The following TIGD1 variants were observed in gnomAD, a reference collection of about 807,000 sequenced individuals.
TIGD1 encodes tigger transposable element-derived protein 1.
In TIGD1, 20 loss-of-function variants were observed where a neutral mutation model predicts 21.3. That is an observed-to-expected ratio of 0.94 (90% confidence interval 0.66 to 1.36). TIGD1 has a LOEUF of 1.36. Ranked by LOEUF, TIGD1 falls within the 40% of genes most tolerant of loss-of-function variation. TIGD1 has a pLI of 0.00. For synonymous variants in TIGD1, 177 were observed against 123.2 expected (o/e 1.44, Z -2.89); for missense variants, 556 against 350.5 (o/e 1.59, Z -4.68).
At position 232,548,519 on chromosome 2, in the gene TIGD1, A is replaced by G. The variant is rs1559307392; in HGVS notation, c.1364T>C (p.Leu455Ser). The G allele has an allele frequency of 3.1e-6, 2 of 652,570 alleles. No individual in the cohort carries two copies. Among genetic ancestry groups the G allele is most frequent in the Non-Finnish European group, 5.5e-6 (2 of 362,940 alleles). The allele number at this position is 652,570 out of a possible 1,614,324, so 40.4% of individuals were successfully genotyped here. A position where few individuals can be genotyped will look rare whatever the true frequency, so the allele number is the denominator to read the frequency against. Residue 455 changes from leucine (L) to serine (S), a missense_variant, in exon 1 of 1, where the codon TTA (leucine) becomes TCA (serine). Leu to Ser is a moderately radical substitution (Grantham distance 145). Coordinates refer to ENST00000408957, the MANE Select transcript of TIGD1 (RefSeq NM_145702.4). ...CATAAGAAACAACTCCTCATCTGTT[A>G]AAGTTTTATCATGAGATTGCAGCAA... is the stretch of plus-strand genomic sequence containing the variant. ...TELLQSHDKT[L>S]TDEELFLMDA...
Position 232,547,049 on chromosome 2 carries a change from C to A in TIGD1, c.*1058G>T, listed in dbSNP as rs1692145624. Among the ~76,000 whole-genome samples, 1 of 152,150 alleles carries A rather than the reference C, an allele frequency of 6.6e-6. No individual in the cohort carries two copies. The highest frequency in any genetic ancestry group is 1.5e-5 in the Non-Finnish European group (1 of 68,034). On this transcript the variant is annotated 3_prime_UTR_variant, in exon 1 of 1. Coordinates refer to ENST00000408957, the MANE Select transcript of TIGD1 (RefSeq NM_145702.4). ...GAGTTTGGCTGGTAACCAGGGGACA[C>A]CCTTGGGCAAGTCACCTATGCTCCC...
Position 232,544,851 on chromosome 2 carries a change from A to G in TIGD1, c.*3256T>C. On this transcript the variant is annotated 3_prime_UTR_variant, in exon 1 of 1. Transcript: ENST00000408957. ...CCCCAGCCATCCAGGCCTGTGTGGA[A>G]GCCTGCAACCTCATTGCCTGTGCCC... 6.2e-7 allele frequency: 1 copy of G among 1,613,996 alleles called. No individual in the cohort carries two copies. Among genetic ancestry groups the G allele is most frequent in the Non-Finnish European group, 8.5e-7 (1 of 1,180,012 alleles).
chr2:232,545,942 G>A lies in TIGD1; in HGVS notation c.*2165C>T, dbSNP rs141353873. Reference sequence around the variant, plus strand: ...GTGTCCTGCTGCAGTCAGCACACACGTGGGATTGGCTAGCTCATCCTGGCA... The same window carrying A: ...GTGTCCTGCTGCAGTCAGCACACACATGGGATTGGCTAGCTCATCCTGGCA... On this transcript the variant is annotated 3_prime_UTR_variant, in exon 1 of 1. Transcript: ENST00000408957. 3.3e-5 allele frequency: 21 copies of A among 635,232 alleles called. 1 individual carries two copies. Among genetic ancestry groups the A allele is most frequent in the Middle Eastern group, 4.2e-4 (1 of 2,376 alleles). The allele number at this position is 635,232 out of a possible 1,614,324, so 39.3% of individuals were successfully genotyped here. A position where few individuals can be genotyped will look rare whatever the true frequency, so the allele number is the denominator to read the frequency against.
chr2:232,544,632 G>A lies in TIGD1; in HGVS notation c.*3475C>T, dbSNP rs1360915844. On this transcript the variant is annotated 3_prime_UTR_variant, in exon 1 of 1. Transcript: ENST00000408957. ...ACAGTCCTCCCCTGGGACCCCAGCT[G>A]GGGAGCCAGGCACAGCAGATGAGTG... The A allele has an allele frequency of 6.3e-7, 1 of 1,577,590 alleles. No individual in the cohort carries two copies. The highest frequency in any genetic ancestry group is 8.7e-7 in the Non-Finnish European group (1 of 1,148,892).
rs1321740483 is a variant in TIGD1, at chr2:232,548,633, A to G, written c.1250T>C (p.Phe417Ser). The part of the protein sequence containing the change: ...IPTLIDDYEG[F>S]KTSVEEVSAD... ...ACTTACTTCCTCCACTGAAGTCTTG[A>G]ACCCCTCATAGTCATCAATGAGGGT... The change falls in exon 1 of 1, where the codon TTC (phenylalanine) becomes TCC (serine). Residue 417 changes from phenylalanine to serine, a missense_variant. Phe to Ser is a radical substitution (Grantham distance 155, BLOSUM62 -2). Coordinates refer to ENST00000408957, the MANE Select transcript of TIGD1 (RefSeq NM_145702.4). The G allele has an allele frequency of 3.8e-6, 2 of 519,496 alleles. No homozygotes were observed. Among genetic ancestry groups the G allele is most frequent in the African/African-American group, 3.8e-5 (2 of 52,970 alleles). The allele number at this position is 519,496 out of a possible 1,614,324, so 32.2% of individuals were successfully genotyped here.
At position 232,548,306 on chromosome 2, in the gene TIGD1, C is replaced by T. The variant is rs760989671; in HGVS notation, c.1577G>A (p.Ser526Asn). Residue 526 changes from serine (S) to asparagine (N), a missense_variant, in exon 1 of 1, where the codon AGC (serine) becomes AAC (asparagine). Ser to Asn is a conservative substitution (Grantham distance 46, BLOSUM62 1). Transcript: ENST00000408957. ...AAAGATTTCTCTGTAGCATGCGATG[C>T]TGTTTGATAGCATTTTGCCCACAGT... is the stretch of plus-strand genomic sequence containing the variant. Reference protein sequence around the residue: ...SSTVGKMLSNSIACYREIFHE... With the variant: ...SSTVGKMLSNNIACYREIFHE... 8 of 1,510,088 alleles carry T rather than the reference C, an allele frequency of 5.3e-6. No homozygotes were observed. In the South Asian group the frequency reaches 6.4e-5, roughly 12 times the overall value. The allele number at this position is 1,510,088 out of a possible 1,614,324, so 93.5% of individuals were successfully genotyped here. A position where few individuals can be genotyped will look rare whatever the true frequency, so the allele number is the denominator to read the frequency against.
chr2:232,549,082 C>T lies in TIGD1; in HGVS notation c.801G>A (p.Met267Ile), dbSNP rs1199132040. ...VLYKWNSKAR[M>I]TAHLFTAWFT... ...ACCACGCTGTAAACAGATGTGCTGT[C>T]ATCCGGGCTTTGCTGTTCCATTTAT... The change falls in exon 1 of 1, where the codon ATG becomes ATA. Residue 267 changes from methionine to isoleucine, a missense_variant. By Grantham distance (10) the Met-to-Ile change is conservative. Transcript: ENST00000408957. 3 of 715,588 alleles carry T rather than the reference C, an allele frequency of 4.2e-6. No homozygotes were observed. The highest frequency in any genetic ancestry group is 7.8e-6 in the Non-Finnish European group (3 of 384,762). 44.3% of individuals were successfully genotyped at this position (715,588 alleles called of 1,614,324 possible).
Position 232,550,377 on chromosome 2 carries a change from T to G in TIGD1, c.-495A>C. On this transcript the variant is annotated 5_prime_UTR_variant, in exon 1 of 1. Transcript: ENST00000408957. ...GTCCCGCACTGGAGGAAGAGGAAGG[T>G]TTTTACCAAGCAGCGAGTCCAGAGC... The G allele has an allele frequency of 2.3e-6, 1 of 442,706 alleles. No homozygotes were observed. The highest frequency in any genetic ancestry group is 4.2e-6 in the Non-Finnish European group (1 of 240,416). 27.4% of individuals were successfully genotyped at this position (442,706 alleles called of 1,614,324 possible). A position where few individuals can be genotyped will look rare whatever the true frequency, so the allele number is the denominator to read the frequency against.
At position 232,545,330 on chromosome 2, in the gene TIGD1, A is replaced by G. The variant is rs1467097161; in HGVS notation, c.*2777T>C. Among the ~76,000 whole-genome samples, 5 of 149,934 alleles carry G rather than the reference A, an allele frequency of 3.3e-5. No homozygotes were observed. Among genetic ancestry groups the G allele is most frequent in the Admixed American group, 2.7e-4 (4 of 14,722 alleles). ...TGAGACTCCGTCTCAAAAAAAAAAA[A>G]AAGGAAAGAAAGAAAGAAAAAGGAA... On this transcript the variant is annotated 3_prime_UTR_variant, in exon 1 of 1. Transcript: ENST00000408957.
At position 232,549,028 on chromosome 2, in the gene TIGD1, C is replaced by G. The variant is rs776178604; in HGVS notation, c.855G>C (p.Glu285Asp). 5.7e-6 allele frequency: 4 copies of G among 707,508 alleles called. No individual in the cohort carries two copies. The South Asian group carries it at 6.2e-5, about 11-fold the overall frequency. 43.8% of individuals were successfully genotyped at this position (707,508 alleles called of 1,614,324 possible). A position where few individuals can be genotyped will look rare whatever the true frequency, so the allele number is the denominator to read the frequency against. The change falls in exon 1 of 1, where the codon GAG (glutamate) becomes GAC (aspartate). Residue 285 changes from glutamate to aspartate, a missense_variant. Transcript: ENST00000408957. ...WFTEYFKPTV[E>D]TYCSEKKIPF... ...GAATCTTCTTTTCTGAGCAGTAGGTCTCAACAGTGGGTTTAAAATATTCAG... is the reference window on the plus strand; with the variant it reads ...GAATCTTCTTTTCTGAGCAGTAGGTGTCAACAGTGGGTTTAAAATATTCAG...
At position 232,545,322 on chromosome 2, in the gene TIGD1, A is replaced by G. The variant is rs1469491900; in HGVS notation, c.*2785T>C. ...GTGAGACGTGAGACTCCGTCTCAAA[A>G]AAAAAAAAAAGGAAAGAAAGAAAGA... On this transcript the variant is annotated 3_prime_UTR_variant, in exon 1 of 1. Coordinates refer to ENST00000408957, the MANE Select transcript of TIGD1 (RefSeq NM_145702.4). 1.3e-5 allele frequency among the ~76,000 whole-genome samples: 2 copies of G among 150,478 alleles called. No homozygotes were observed. Among genetic ancestry groups the G allele is most frequent in the Admixed American group, 6.7e-5 (1 of 14,916 alleles).
Position 232,547,379 on chromosome 2 carries a change from C to G in TIGD1, c.*728G>C, listed in dbSNP as rs1235958905. Among the ~76,000 whole-genome samples, 2 of 152,092 alleles carry G rather than the reference C, an allele frequency of 1.3e-5. No homozygotes were observed. The highest frequency in any genetic ancestry group is 2.9e-5 in the Non-Finnish European group (2 of 68,030). ...GCTGCAGTGAGCTGTGATCATGTGACTGCACTCCAGCCTGATGACACAGTA... is the reference window on the plus strand; with the variant it reads ...GCTGCAGTGAGCTGTGATCATGTGAGTGCACTCCAGCCTGATGACACAGTA... On this transcript the variant is annotated 3_prime_UTR_variant, in exon 1 of 1. Transcript: ENST00000408957.
chr2:232,544,953 A>G lies in TIGD1; in HGVS notation c.*3154T>C. The G allele has an allele frequency of 1.2e-6, 2 of 1,611,212 alleles. No individual in the cohort carries two copies. The highest frequency in any genetic ancestry group is 4.5e-5 in the East Asian group (2 of 44,816). ...GGTGGAGTGAGTACCTGGGCTTGGA[A>G]CCGTGATAGAGACAGGATGAGTGGG... On this transcript the variant is annotated 3_prime_UTR_variant, in exon 1 of 1. Coordinates refer to ENST00000408957, the MANE Select transcript of TIGD1 (RefSeq NM_145702.4).
rs577759764 is a variant in TIGD1, at chr2:232,550,533, T to A, written c.-651A>T. On this transcript the variant is annotated 5_prime_UTR_variant, in exon 1 of 1. Coordinates refer to ENST00000408957, the MANE Select transcript of TIGD1 (RefSeq NM_145702.4). ...GGCAGAACTGAGGCCAGCAGCCAGC[T>A]CCGCCGCTGAGTCCAGCCCTCTGCG... 1 of 676,720 alleles carries A rather than the reference T, an allele frequency of 1.5e-6. No individual in the cohort carries two copies. The highest frequency in any genetic ancestry group is 3.1e-5 in the East Asian group (1 of 31,974). The allele number at this position is 676,720 out of a possible 1,614,324, so 41.9% of individuals were successfully genotyped here.
Position 232,549,307 on chromosome 2 carries a change from A to G in TIGD1, c.576T>C (p.Tyr192=), listed in dbSNP as rs1310201518. Residue 192 remains tyrosine (Y), a synonymous_variant, in exon 1 of 1, where the codon TAT becomes TAC. Coordinates refer to ENST00000408957, the MANE Select transcript of TIGD1 (RefSeq NM_145702.4). The part of the protein sequence containing the change: ...QIFNVDETAF[Y]WKKMPSRTFI... ...AAGTTCTAGATGGCATCTTCTTCCA[A>G]TAGAAGGCTGTTTCATCTACATTGA... 7 of 666,326 alleles carry G rather than the reference A, an allele frequency of 1.1e-5. No homozygotes were observed. The highest frequency in any genetic ancestry group is 2.1e-5 in the Admixed American group (1 of 47,922). The allele number at this position is 666,326 out of a possible 1,614,324, so 41.3% of individuals were successfully genotyped here.
chr2:232,544,554 T>C lies in TIGD1; in HGVS notation c.*3553A>G. 6.2e-7 allele frequency: 1 copy of C among 1,613,492 alleles called. No individual in the cohort carries two copies. On this transcript the variant is annotated 3_prime_UTR_variant, in exon 1 of 1. Coordinates refer to ENST00000408957, the MANE Select transcript of TIGD1 (RefSeq NM_145702.4). ...TTCCAGCAGTGGCAGCGGCAAGGGCTGGTGGCGGCAGCGCTGGAGAAGCTA... is the reference window on the plus strand; with the variant it reads ...TTCCAGCAGTGGCAGCGGCAAGGGCCGGTGGCGGCAGCGCTGGAGAAGCTA...
rs1227457538 is a variant in TIGD1 at position 232,549,005 on chromosome 2, ATCT to A, written c.875_877del (p.Lys292del). On this transcript the variant is annotated inframe_deletion, in exon 1 of 1. Coordinates refer to ENST00000408957, the MANE Select transcript of TIGD1 (RefSeq NM_145702.4). ...AATGAGCAGTAATATTTTGAAAGGA[ATCT>A]TCTTTTCTGAGCAGTAGGTCTCAAC... The A allele has an allele frequency of 1.1e-5, 8 of 702,522 alleles. No homozygotes were observed. In the East Asian group the frequency reaches 2.2e-4, roughly 19 times the overall value. The allele number at this position is 702,522 out of a possible 1,614,324, so 43.5% of individuals were successfully genotyped here.
In TIGD1 at chr2:232,544,506, G is replaced by A. The variant is rs748029278; in HGVS notation, c.*3601C>T. The A allele has an allele frequency of 1.5e-5, 24 of 1,613,716 alleles. No homozygotes were observed. In the South Asian group the frequency reaches 2.5e-4, roughly 17 times the overall value. On this transcript the variant is annotated 3_prime_UTR_variant, in exon 1 of 1. Coordinates refer to ENST00000408957, the MANE Select transcript of TIGD1 (RefSeq NM_145702.4). ...ACAACTGGGGAGGAGGTGGCCCTCTGCCTGCCTCGCAGTGAACTCCTCTTC... is the reference window on the plus strand; with the variant it reads ...ACAACTGGGGAGGAGGTGGCCCTCTACCTGCCTCGCAGTGAACTCCTCTTC...
Position 232,550,375 on chromosome 2 carries a change from G to A in TIGD1, c.-493C>T. The A allele has an allele frequency of 2.2e-6, 1 of 451,492 alleles. No individual in the cohort carries two copies. The highest frequency in any genetic ancestry group is 4.3e-5 in the East Asian group (1 of 23,514). 28.0% of individuals were successfully genotyped at this position (451,492 alleles called of 1,614,324 possible). A position where few individuals can be genotyped will look rare whatever the true frequency, so the allele number is the denominator to read the frequency against. On this transcript the variant is annotated 5_prime_UTR_variant, in exon 1 of 1. Transcript: ENST00000408957. ...GCGTCCCGCACTGGAGGAAGAGGAA[G>A]GTTTTTACCAAGCAGCGAGTCCAGA... is the stretch of plus-strand genomic sequence containing the variant.
Sources: gnomAD v4.1 joint callset for allele counts (sites outside exome capture counted in the v4.1 genomes callset) on GRCh38, gnomAD v4.1.1 for gene constraint, MANE v1.5 for transcripts, NCBI Gene and HGNC (gene_info 2026-07-23, HGNC 2026-07-21) for gene names.